The following RNLS variants were observed in gnomAD, a reference collection of about 807,000 sequenced individuals.
RNLS encodes renalase, FAD dependent amine oxidase.
A neutral mutation model predicts 39.8 loss-of-function variants in RNLS; 39 were observed. The ratio of observed to expected loss-of-function variants is 0.98; its 90% CI spans 0.76 to 1.28. The LOEUF is 1.28. Among genes scored for constraint, RNLS ranks in the 50% most tolerant of loss-of-function variants. The pLI is 0.00. For synonymous variants in RNLS, 147 were observed against 150.7 expected (o/e 0.98, Z 0.18); for missense variants, 410 against 413.3 (o/e 0.99, Z 0.07).
intron 4 of RNLS, among the ~76,000 whole-genome samples, chr10:88,512,339 G>C (rs1029371359): frequency 1.1e-4 from 17 of 152,170 alleles, no homozygotes; most frequent in African/African-American, 3.6e-4. Flanking sequence ...AGTTCTATTT[G>C]GTAGGTTTCT....
intron 4 of RNLS, among the ~76,000 whole-genome samples, chr10:88,480,473 G>A (rs1419555144): frequency 6.6e-6 from 1 of 152,212 alleles, no homozygotes; most frequent in Admixed American, 6.5e-5. Flanking sequence ...CTAGGCGGGA[G>A]TGCAATGGTG....
intron 4 of RNLS, among the ~76,000 whole-genome samples, chr10:88,392,023 C>T (rs531324412): frequency 6.6e-6 from 1 of 152,312 alleles, no homozygotes; most frequent in South Asian, 2.1e-4. Context: ...ATTATTTGAC[C>T]TGTCTGATGG....
intron 4 of RNLS, among the ~76,000 whole-genome samples, chr10:88,443,384 G>T (rs558335559): frequency 6.6e-6 from 1 of 152,148 alleles, no homozygotes; most frequent in East Asian, 1.9e-4. Context: ...AGCTCCCAGC[G>T]TGAGCGACAC....
rs540216349 is a variant in RNLS at position 88,395,205 on chromosome 10, TA to T, written c.527-32481del. Reference sequence around the variant, plus strand: ...ACTTAAAGTATAATAATAATAAAATTAAAAAAAAAGTATCAAGAACTTTAAA... The same window carrying T: ...ACTTAAAGTATAATAATAATAAAATTAAAAAAAAGTATCAAGAACTTTAAA... On this transcript the variant is annotated intron_variant, in intron 4 of 6. Transcript: ENST00000331772. Among the ~76,000 whole-genome samples the T allele has an allele frequency of 1.9e-4, 22 of 116,308 alleles. No individual in the cohort carries two copies. The South Asian group carries it at 2.6e-3, about 14-fold the overall frequency. The allele number at this position is 116,308 out of a possible 152,430, so 76.3% of individuals were successfully genotyped here.
At chr10:88,370,309 TAAAATAAACACTTTTAAA>T (rs1406604610) in intron 4 of RNLS, among the ~76,000 whole-genome samples, 2 of 152,152 alleles carry the variant, frequency 1.3e-5, no homozygotes, top group African/African-American at 2.4e-5. Flanking sequence ...ATGTTAATAG[TAAAATAAACACTTTTAAA>T]AAGTGTATCA....
rs180869498 is a variant in RNLS at position 88,544,632 on chromosome 10, T to G, written c.526+28271A>C. On this transcript the variant is annotated intron_variant, in intron 4 of 6. Coordinates refer to ENST00000331772, the MANE Select transcript of RNLS (RefSeq NM_001031709.3). ...ATCCAAAAATGACTTCGACTTAAAA[T>G]GTCAAGTGTGGCCTGTGGGTAAGCA... 2.1e-3 allele frequency among the ~76,000 whole-genome samples: 314 copies of G among 152,316 alleles called. 1 individual carries two copies. Among genetic ancestry groups the G allele is most frequent in the African/African-American group, 7.3e-3 (302 of 41,578 alleles).
intron 4 of RNLS, among the ~76,000 whole-genome samples, chr10:88,548,434 G>A (rs1479103815): frequency 6.7e-6 from 1 of 149,436 alleles, no homozygotes; most frequent in Non-Finnish European, 1.5e-5. Context: ...GAGGTCAGGA[G>A]TTCAAGACCC....
At chr10:88,285,994 T>C (rs578031041) in intron 6 of RNLS, among the ~76,000 whole-genome samples, 13 of 152,178 alleles carry the variant, frequency 8.5e-5, no homozygotes, top group Non-Finnish European at 1.6e-4. Context: ...AGAGGTGCCA[T>C]CTATGAGAAT....
chr10:88,364,367 A>G (rs1303009447), intron 4 of RNLS, among the ~76,000 whole-genome samples: 2 of 152,146 alleles, frequency 1.3e-5, no homozygotes, highest in African/African-American at 4.8e-5. Context: ...CACAGTAATA[A>G]TCCTATACAT....
At chr10:88,444,849 T>C (rs1841945403) in intron 4 of RNLS, among the ~76,000 whole-genome samples, 1 of 152,158 alleles carries the variant, frequency 6.6e-6, no homozygotes, top group Non-Finnish European at 1.5e-5. Flanking sequence ...GTCTGATTGG[T>C]GTACCTGAAA....
At chr10:88,537,846 T>A (rs930232519) in intron 4 of RNLS, among the ~76,000 whole-genome samples, 1 of 152,182 alleles carries the variant, frequency 6.6e-6, no homozygotes, top group Admixed American at 6.6e-5. Flanking sequence ...TTAATATGGT[T>A]GTGCTTTTCT....
At position 88,456,797 on chromosome 10, in the gene RNLS, T is replaced by A. The variant is rs553479519; in HGVS notation, c.527-94072A>T. Among the ~76,000 whole-genome samples, 22 of 152,302 alleles carry A rather than the reference T, an allele frequency of 1.4e-4. No individual in the cohort carries two copies. In the East Asian group the frequency reaches 4.0e-3, roughly 28 times the overall value. On this transcript the variant is annotated intron_variant, in intron 4 of 6. Transcript: ENST00000331772. The stretch of plus-strand genomic sequence containing the variant: ...TTAAAAAAATTCAAAGTGAGCAGTG[T>A]ACTGTCAGTTTTGGTCCCACTATAG...
chr10:88,418,045 A>G (rs1192703683), intron 4 of RNLS, among the ~76,000 whole-genome samples: 1 of 151,472 alleles, frequency 6.6e-6, no homozygotes, highest in Admixed American at 6.6e-5. Flanking sequence ...GAATGTCCAG[A>G]ATGGAAAGTT....
chr10:88,198,979 C>T, the RNLS span, among the ~76,000 whole-genome samples: 6 of 152,118 alleles, frequency 3.9e-5, no homozygotes, highest in African/African-American at 1.4e-4. Flanking sequence ...TGATGTCAGC[C>T]TCTCTCCCTG....
At chr10:88,444,509 G>A (rs538838038) in intron 4 of RNLS, among the ~76,000 whole-genome samples, 6 of 152,012 alleles carry the variant, frequency 3.9e-5, no homozygotes, top group Admixed American at 2.0e-4. Flanking sequence ...GGCTTCAGAC[G>A]ATCAAACTTC....
rs976496406 is a variant in RNLS, at chr10:88,503,092, T to C, written c.526+69811A>G. On this transcript the variant is annotated intron_variant, in intron 4 of 6. Coordinates refer to ENST00000331772, the MANE Select transcript of RNLS (RefSeq NM_001031709.3). ...CCAAACAAGCTTTCTTTAAAAATCA[T>C]TGTCCTGGTCAGGTGTGGTGGCTCA... Among the ~76,000 whole-genome samples the C allele has an allele frequency of 2.0e-5, 3 of 152,256 alleles. No individual in the cohort carries two copies. In the South Asian group the frequency reaches 6.2e-4, roughly 32 times the overall value.
Position 88,572,942 on chromosome 10 carries a change from C to G in RNLS, c.487G>C (p.Val163Leu). Residue 163 changes from valine (V) to leucine (L), a missense_variant, in exon 4 of 7, where the codon GTT becomes CTT. Physicochemically the swap from Val to Leu is conservative, Grantham distance 32 (BLOSUM62 1). Transcript: ENST00000331772. ...CCTTGAAGCTGCAGAATCTCAGGAA[C>G]TGGCATTGTGAGAACAATAAGATCA... ...QFDLIVLTMP[V>L]PEILQLQGDI... 6.2e-7 allele frequency: 1 copy of G among 1,613,990 alleles called. No homozygotes were observed. The highest frequency in any genetic ancestry group is 1.1e-5 in the South Asian group (1 of 91,066).
At chr10:88,532,112 GT>G (rs936895988) in intron 4 of RNLS, among the ~76,000 whole-genome samples, 1 of 152,046 alleles carries the variant, frequency 6.6e-6, no homozygotes, top group Non-Finnish European at 1.5e-5. Context: ...TTTTAGAAGA[GT>G]TTTTGTTGTC....
chr10:88,247,498 T>C, the RNLS span, among the ~76,000 whole-genome samples: 2 of 152,200 alleles, frequency 1.3e-5, no homozygotes, highest in African/African-American at 4.8e-5. Flanking sequence ...TGTGTGACCT[T>C]GGGCCAGCTA....
Sources: gnomAD v4.1 joint callset for allele counts (sites outside exome capture counted in the v4.1 genomes callset) on GRCh38, gnomAD v4.1.1 for gene constraint, MANE v1.5 for transcripts, NCBI Gene and HGNC (gene_info 2026-07-23, HGNC 2026-07-21) for gene names.